Variants in PSD3 observed in about 807,000 individuals in gnomAD.
PSD3 encodes pleckstrin and Sec7 domain containing 3, also known as PH and SEC7 domain-containing protein 3.
PSD3 carries 49 observed loss-of-function variants against 105.5 expected under a neutral mutation model. The ratio of observed to expected loss-of-function variants is 0.46; its 90% CI spans 0.37 to 0.59. The LOEUF (loss-of-function observed/expected upper bound fraction) is 0.59. Ranked by LOEUF, PSD3 falls within the 20% of genes least tolerant of loss-of-function variation. PSD3 has a pLI of 0.00. For missense variants in PSD3, 1,561 were observed against 1,263.8 expected, an observed-to-expected ratio of 1.24 and a Z score of -3.57; for synonymous variants, 557 against 457.8, an observed-to-expected ratio of 1.22 and a Z score of -2.77.
chr8:19,047,492 C>T (rs1337240452), intron 1 of PSD3, among the ~76,000 whole-genome samples: 2 of 152,060 alleles, frequency 1.3e-5, no homozygotes, highest in Non-Finnish European at 2.9e-5. Context: ...GGATGCAAAC[C>T]TCTGGGAGGT....
At chr8:19,003,382 T>TA (rs1369189949) in intron 1 of PSD3, among the ~76,000 whole-genome samples, 1 of 151,736 alleles carries the variant, frequency 6.6e-6, no homozygotes, top group African/African-American at 2.4e-5. Flanking sequence ...ACCCCGTCTT[T>TA]AAAAAACAAA....
intron 10 of PSD3, among the ~76,000 whole-genome samples, chr8:18,649,185 C>T (rs907446921): frequency 6.6e-6 from 1 of 152,200 alleles, no homozygotes; most frequent in Non-Finnish European, 1.5e-5. Flanking sequence ...TTGCACCCTG[C>T]ACCTGGAAAA....
At chr8:18,585,824 G>A (rs1803137505) in intron 12 of PSD3, among the ~76,000 whole-genome samples, 1 of 152,098 alleles carries the variant, frequency 6.6e-6, no homozygotes, top group African/African-American at 2.4e-5. Context: ...GAAATGAGTT[G>A]AGGTTCGCAG....
chr8:18,628,410 G>A (rs892073556), intron 11 of PSD3, among the ~76,000 whole-genome samples: 3 of 151,808 alleles, frequency 2.0e-5, no homozygotes, highest in Non-Finnish European at 4.4e-5. Flanking sequence ...CTGAAATCCT[G>A]CAGGGCAGGG....
chr8:18,626,552 G>C (rs1179970641), intron 11 of PSD3, among the ~76,000 whole-genome samples: 1 of 152,066 alleles, frequency 6.6e-6, no homozygotes, highest in South Asian at 2.1e-4. Context: ...TCCTATTCCA[G>C]GAAAGCTCCA....
intron 2 of PSD3, among the ~76,000 whole-genome samples, chr8:18,879,500 G>A (rs1817978948): frequency 6.6e-6 from 1 of 152,208 alleles, no homozygotes; most frequent in Non-Finnish European, 1.5e-5. Flanking sequence ...CTCTAAGTCA[G>A]GACTAAATTT....
chr8:18,623,650 A>C (rs1806285194), intron 11 of PSD3, among the ~76,000 whole-genome samples: 3 of 151,570 alleles, frequency 2.0e-5, no homozygotes, highest in Middle Eastern at 3.4e-3. Context: ...TCTCAGAAAA[A>C]AAAAAAAAAA....
chr8:18,619,573 G>A (rs1450211213), intron 11 of PSD3, among the ~76,000 whole-genome samples: 1 of 151,800 alleles, frequency 6.6e-6, no homozygotes, highest in Non-Finnish European at 1.5e-5. Context: ...AACCCGGGAG[G>A]CAGAGGTTGT....
intron 9 of PSD3, among the ~76,000 whole-genome samples, chr8:18,689,803 A>T (rs1185537450): frequency 2.0e-5 from 3 of 152,146 alleles, no homozygotes; most frequent in African/African-American, 7.2e-5. Flanking sequence ...GCTAATGATT[A>T]ATTGTTTCCT....
intron 12 of PSD3, among the ~76,000 whole-genome samples, chr8:18,585,270 G>A (rs970154215): frequency 6.6e-6 from 1 of 152,178 alleles, no homozygotes; most frequent in Admixed American, 6.5e-5. Context: ...ACTGCTGTAG[G>A]AAGATTGTGA....
intron 1 of PSD3, among the ~76,000 whole-genome samples, chr8:18,987,451 C>T (rs959175144): frequency 1.1e-4 from 17 of 152,038 alleles, no homozygotes; most frequent in Admixed American, 3.9e-4. Context: ...CCACGCCTGG[C>T]TAATTTTTTG....
At chr8:18,964,007 C>T (rs989612096) in intron 1 of PSD3, among the ~76,000 whole-genome samples, 3 of 152,154 alleles carry the variant, frequency 2.0e-5, no homozygotes, top group Admixed American at 6.5e-5. Flanking sequence ...AAGAAGACAG[C>T]GCACACATGC....
At chr8:18,729,353 C>T (rs1240031220) in intron 9 of PSD3, among the ~76,000 whole-genome samples, 1 of 152,178 alleles carries the variant, frequency 6.6e-6, no homozygotes, top group South Asian at 2.1e-4. Context: ...TAACTGACTC[C>T]TTTAACCCAC....
At chr8:18,825,258 A>G (rs1813082702) in intron 4 of PSD3, among the ~76,000 whole-genome samples, 1 of 152,206 alleles carries the variant, frequency 6.6e-6, no homozygotes, top group Admixed American at 6.5e-5. Context: ...AATTTAGAAA[A>G]CTACTGCACC....
At chr8:18,694,479 G>A (rs1801151629) in intron 9 of PSD3, among the ~76,000 whole-genome samples, 1 of 152,072 alleles carries the variant, frequency 6.6e-6, no homozygotes, top group Non-Finnish European at 1.5e-5. Context: ...GCGTGGTGCT[G>A]GGCACCTGTA....
intron 1 of PSD3, among the ~76,000 whole-genome samples, chr8:18,956,837 C>T (rs1316282655): frequency 3.3e-5 from 5 of 152,102 alleles, no homozygotes; most frequent in Admixed American, 2.6e-4. Context: ...TACCCCTAAT[C>T]TCCTCTGACC....
At chr8:19,045,851 C>A (rs1302596059) in intron 1 of PSD3, among the ~76,000 whole-genome samples, 2 of 152,178 alleles carry the variant, frequency 1.3e-5, no homozygotes, top group Non-Finnish European at 2.9e-5. Context: ...CTCACAATAA[C>A]CTGTCAGGTA....
intron 2 of PSD3, among the ~76,000 whole-genome samples, chr8:18,876,354 T>C (rs1817734001): frequency 6.6e-6 from 1 of 152,204 alleles, no homozygotes; most frequent in South Asian, 2.1e-4. Flanking sequence ...ATAAAAAATG[T>C]GTATATAAGT....
intron 1 of PSD3, among the ~76,000 whole-genome samples, chr8:19,002,945 A>T (rs1826480787): frequency 6.6e-6 from 1 of 152,030 alleles, no homozygotes; most frequent in Non-Finnish European, 1.5e-5. Flanking sequence ...AAGAAGGGCA[A>T]TAATAATTCC....
Sources: allele counts gnomAD v4.1 joint callset (sites outside exome capture counted in the v4.1 genomes callset), GRCh38; gene constraint gnomAD v4.1.1; transcripts MANE v1.5; gene names NCBI Gene and HGNC (gene_info 2026-07-23, HGNC 2026-07-21).